Variants in DNAH11 observed in about 807,000 individuals in gnomAD.
DNAH11 encodes the protein axonemal beta dynein heavy chain 11.
In DNAH11, 442 loss-of-function variants were observed where a neutral mutation model predicts 526.0. That is an observed-to-expected ratio of 0.84 (90% CI 0.78 to 0.91). DNAH11 has a LOEUF of 0.91. DNAH11 is among the 40% of genes least tolerant of loss of function. The pLI is 0.00. For synonymous variants in DNAH11, 2,461 were observed against 1,935.9 expected, an observed-to-expected ratio of 1.27 and a Z score of -7.12; for missense variants, 6,989 against 5,448.7, an observed-to-expected ratio of 1.28 and a Z score of -8.90.
At chr7:21,661,566 G>A (rs1353070266) in intron 30 of DNAH11, among the ~76,000 whole-genome samples, 5 of 151,944 alleles carry the variant, frequency 3.3e-5, no homozygotes, top group African/African-American at 1.2e-4. Context: ...TGTTTTGGGG[G>A]ATAATTTTAA....
intron 25 of DNAH11, among the ~76,000 whole-genome samples, chr7:21,622,984 G>T (rs1023224572): frequency 1.3e-5 from 2 of 151,888 alleles, no homozygotes; most frequent in African/African-American, 4.8e-5. Flanking sequence ...TAATTAAACT[G>T]AAGAGCTTCT....
At chr7:21,711,964 A>C (rs796524489) in intron 42 of DNAH11, 104 bp downstream of exon 42, 3 of 1,307,756 alleles carry the variant, frequency 2.3e-6, no homozygotes, top group Admixed American at 2.1e-5. Flanking sequence ...CACAGCTGTC[A>C]CCACCATCCA....
At chr7:21,856,908 T>TA (rs1782873129) in intron 68 of DNAH11, among the ~76,000 whole-genome samples, 1 of 152,230 alleles carries the variant, frequency 6.6e-6, no homozygotes, top group Non-Finnish European at 1.5e-5. Flanking sequence ...TGCTTTTCGC[T>TA]AAAATCAGGA....
chr7:21,782,715 C>G (rs1391795742), intron 57 of DNAH11, among the ~76,000 whole-genome samples: 5 of 152,030 alleles, frequency 3.3e-5, no homozygotes, highest in African/African-American at 1.2e-4. Context: ...AGTTCAAGAC[C>G]AGCCTGGCCA....
intron 61 of DNAH11, among the ~76,000 whole-genome samples, chr7:21,799,888 C>T (rs974951944): frequency 2.0e-4 from 30 of 152,144 alleles, no homozygotes; most frequent in Non-Finnish European, 3.8e-4. Context: ...CATGCATCTA[C>T]AAAAGCAATG....
intron 2 of DNAH11, among the ~76,000 whole-genome samples, chr7:21,554,544 C>T (rs924606590): frequency 6.6e-6 from 1 of 152,024 alleles, no homozygotes; most frequent in Non-Finnish European, 1.5e-5. Context: ...AGACGTCTTG[C>T]CCAGCAGGTT....
intron 62 of DNAH11, among the ~76,000 whole-genome samples, chr7:21,807,335 C>T (rs1001052022): frequency 6.6e-6 from 1 of 152,124 alleles, no homozygotes; most frequent in African/African-American, 2.4e-5. Context: ...CCCGTCTCTA[C>T]AAAAAATACA....
chr7:21,766,500 T>A (rs960060523), intron 55 of DNAH11, among the ~76,000 whole-genome samples: 4 of 152,152 alleles, frequency 2.6e-5, no homozygotes, highest in African/African-American at 9.7e-5. Context: ...TGTTTCTAGT[T>A]GAAAGATTAT....
At position 21,877,070 on chromosome 7, in the gene DNAH11, GATGA is replaced by G; in HGVS notation, c.12195+3573_12195+3576del. 1.3e-5 allele frequency among the ~76,000 whole-genome samples: 2 copies of G among 152,312 alleles called. 1 individual carries two copies. Among genetic ancestry groups the G allele is most frequent in the South Asian group, 4.1e-4 (2 of 4,832 alleles). ...GTTAAAGCCTGTGTATGGATAGATT[GATGA>G]ATGCTATCTCTCTTGTTACCCATAT... On this transcript the variant is annotated intron_variant, in intron 74 of 81. Coordinates refer to ENST00000409508, the MANE Select transcript of DNAH11 (RefSeq NM_001277115.2).
intron 75 of DNAH11, among the ~76,000 whole-genome samples, chr7:21,883,864 G>A (rs1201329809): frequency 6.6e-6 from 1 of 152,128 alleles, no homozygotes; most frequent in Non-Finnish European, 1.5e-5. Flanking sequence ...ACCATAGTGA[G>A]ACCCCCATCT....
At position 21,704,528 on chromosome 7, in the gene DNAH11, C is replaced by G. The variant is rs1241605823; in HGVS notation, c.6368C>G (p.Ala2123Gly). ...FLGLVGDLFP[A>G]LDVPRRRKLH... ...GGCCTGGTCGGTGACCTGTTTCCAG[C>G]CCTGGATGTGCCCCGGAGGAGGAAG... Residue 2123 changes from alanine (A) to glycine (G), a missense_variant, in exon 38 of 82, where the codon GCC becomes GGC. Ala to Gly is a moderately conservative substitution (Grantham distance 60). Transcript: ENST00000409508. 2.5e-5 allele frequency: 41 copies of G among 1,613,688 alleles called. No homozygotes were observed. Among genetic ancestry groups the G allele is most frequent in the Non-Finnish European group, 3.4e-5 (40 of 1,179,838 alleles).
intron 54 of DNAH11, among the ~76,000 whole-genome samples, chr7:21,762,869 G>A (rs1026101047): frequency 4.6e-5 from 7 of 152,122 alleles, no homozygotes; most frequent in Non-Finnish European, 1.0e-4. Flanking sequence ...ACAGACAAGT[G>A]TACTACATCA....
At chr7:21,807,019 A>G (rs1394224337) in intron 62 of DNAH11, among the ~76,000 whole-genome samples, 1 of 152,256 alleles carries the variant, frequency 6.6e-6, no homozygotes, top group Non-Finnish European at 1.5e-5. Context: ...CTCTTTAATT[A>G]GTAGAATCCA....
intron 9 of DNAH11, among the ~76,000 whole-genome samples, chr7:21,586,419 C>T (rs1365527424): frequency 6.6e-6 from 1 of 151,990 alleles, no homozygotes; most frequent in East Asian, 1.9e-4. Context: ...TAGGTAGCCC[C>T]GAGTAGTAGA....
intron 29 of DNAH11, among the ~76,000 whole-genome samples, 190 bp downstream of exon 29, chr7:21,656,171 T>C (rs1207274681): frequency 6.6e-6 from 1 of 152,148 alleles, no homozygotes; most frequent in Non-Finnish European, 1.5e-5. Context: ...CAGTTTCTAC[T>C]CATGTGGCTT....
At chr7:21,588,224 C>T in intron 10 of DNAH11, 23 bp downstream of exon 10, 1 of 1,601,172 alleles carries the variant, frequency 6.2e-7, no homozygotes. Context: ...TAAGGTTGGA[C>T]ACATTTACAA....
At chr7:21,783,168 C>T (rs1356196362) in intron 57 of DNAH11, among the ~76,000 whole-genome samples, 1 of 152,070 alleles carries the variant, frequency 6.6e-6, no homozygotes, top group African/African-American at 2.4e-5. Flanking sequence ...TTTTCATGGT[C>T]CATTCCTGGC....
At chr7:21,592,309 G>C (rs1185787356) in intron 14 of DNAH11, among the ~76,000 whole-genome samples, 1 of 152,180 alleles carries the variant, frequency 6.6e-6, no homozygotes. Context: ...TCTTTCCTAA[G>C]ATAGTATTTC....
At chr7:21,621,698 A>G (rs553856816) in intron 25 of DNAH11, among the ~76,000 whole-genome samples, 3 of 152,032 alleles carry the variant, frequency 2.0e-5, no homozygotes, top group Admixed American at 2.0e-4. Flanking sequence ...AATCCAGCAT[A>G]TAAACAGAAC....
Sources: gnomAD v4.1 joint callset for allele counts (sites outside exome capture counted in the v4.1 genomes callset) on GRCh38, gnomAD v4.1.1 for gene constraint, MANE v1.5 for transcripts, NCBI Gene and HGNC (gene_info 2026-07-23, HGNC 2026-07-21) for gene names.